Variants in SLC46A3 observed in about 807,000 individuals in gnomAD.
SLC46A3 encodes the protein solute carrier family 46 member 3, also known as lysosomal proton-coupled steroid conjugate and bile acid symporter SLC46A3.
Under a neutral mutation model 38.5 loss-of-function variants are expected in SLC46A3, and 26 were observed. The observed-to-expected ratio is 0.68, with a 90% confidence interval of 0.49 to 0.94. SLC46A3 has a LOEUF of 0.94. Ranked by LOEUF, SLC46A3 falls within the 40% of genes least tolerant of loss-of-function variation. The probability of loss-of-function intolerance (pLI) is 0.00; values close to 1 mark genes in which losing one functional copy is unlikely to be tolerated. For missense variants in SLC46A3, 510 were observed against 544.3 expected, an observed-to-expected ratio of 0.94 and a Z score of 0.63; for synonymous variants, 185 against 192.5, an observed-to-expected ratio of 0.96 and a Z score of 0.32.
rs1885394994 is a variant in SLC46A3 at position 28,712,886 on chromosome 13, T to G, written c.854A>C (p.Glu285Ala). Residue 285 changes from glutamate to alanine, a missense_variant, in exon 3 of 6, where the codon GAA (glutamate) becomes GCA (alanine). Transcript: ENST00000266943. ...IGIAPIFILYELDSPLCWNEV... is the reference protein window; with the variant it reads ...IGIAPIFILYALDSPLCWNEV... Reference sequence around the variant, plus strand: ...ATTCCAGCAGAGTGGTGAATCCAATTCATAAAGGATAAAAATTGGGGCAAT... The same window carrying G: ...ATTCCAGCAGAGTGGTGAATCCAATGCATAAAGGATAAAAATTGGGGCAAT... The G allele has an allele frequency of 1.9e-6, 3 of 1,610,746 alleles. No individual in the cohort carries two copies. Among genetic ancestry groups the G allele is most frequent in the African/African-American group, 1.3e-5 (1 of 74,484 alleles).
Position 28,713,411 on chromosome 13 carries a change from C to T in SLC46A3, c.329G>A (p.Gly110Asp), listed in dbSNP as rs1320057661. The T allele has an allele frequency of 6.2e-7, 1 of 1,613,892 alleles. No homozygotes were observed. Among genetic ancestry groups the T allele is most frequent in the African/African-American group, 1.3e-5 (1 of 74,904 alleles). ...GAGCCAAACGCTGGTTGCAAGAGCA[C>T]CAACGGAAGACAAAATCATAGGGAA... ...RKFPMILSSV[G>D]ALATSVWLCL... Residue 110 changes from glycine (G) to aspartate (D), a missense_variant, in exon 3 of 6, where the codon GGT becomes GAT. By Grantham distance (94) the Gly-to-Asp change is moderately conservative. Coordinates refer to ENST00000266943, the MANE Select transcript of SLC46A3 (RefSeq NM_181785.4).
At chr13:28,710,915 TTC>T (rs1885323841) in intron 3 of SLC46A3, 72 bp from the exon 4 acceptor site, 3 of 1,073,602 alleles carry the variant, frequency 2.8e-6, no homozygotes, top group African/African-American at 1.6e-5. Context: ...AGGAAACACT[TTC>T]ACTCTGTCTA....
rs1885405553 is a variant in SLC46A3 at position 28,713,018 on chromosome 13, A to C, written c.722T>G (p.Leu241Arg). 4 of 1,612,628 alleles carry C rather than the reference A, an allele frequency of 2.5e-6. No individual in the cohort carries two copies. In the African/African-American group the frequency reaches 5.3e-5, roughly 22 times the overall value. ...AAAAAGCATGTAAGTTCGGTAAAAT[A>C]GGTTTTTGAAGCCTTCACTACATGA... ...TMSCSEGFKN[L>R]FYRTYMLFKN... Residue 241 changes from leucine (L) to arginine (R), a missense_variant, in exon 3 of 6, where the codon CTA becomes CGA. By Grantham distance (102) the Leu-to-Arg change is moderately radical. Coordinates refer to ENST00000266943, the MANE Select transcript of SLC46A3 (RefSeq NM_181785.4).
At chr13:28,715,526 A>G (rs1885505059) in intron 2 of SLC46A3, among the ~76,000 whole-genome samples, 1 of 152,252 alleles carries the variant, frequency 6.6e-6, no homozygotes, top group Non-Finnish European at 1.5e-5. Flanking sequence ...CCTACAGGTC[A>G]GCCAAAAGAA....
intron 5 of SLC46A3, among the ~76,000 whole-genome samples, chr13:28,702,594 CATGT>C (rs914301312): frequency 1.3e-5 from 2 of 152,112 alleles, no homozygotes. Flanking sequence ...ACCAGCACAG[CATGT>C]ATTGGTAATT....
At chr13:28,707,906 G>A (rs189645665) in intron 4 of SLC46A3, among the ~76,000 whole-genome samples, 165 of 152,236 alleles carry the variant, frequency 1.1e-3, no homozygotes, top group African/African-American at 3.7e-3. Context: ...CACATTTCAC[G>A]TAAACAGAAT....
At position 28,713,040 on chromosome 13, in the gene SLC46A3, A is replaced by T. The variant is rs1302203762; in HGVS notation, c.700T>A (p.Cys234Ser). The T allele has an allele frequency of 5.0e-6, 8 of 1,612,068 alleles. No individual in the cohort carries two copies. Among genetic ancestry groups the T allele is most frequent in the Non-Finnish European group, 5.1e-6 (6 of 1,179,698 alleles). Residue 234 changes from cysteine to serine, a missense_variant, in exon 3 of 6, where the codon TGT becomes AGT. Coordinates refer to ENST00000266943, the MANE Select transcript of SLC46A3 (RefSeq NM_181785.4). The part of the protein sequence containing the change: ...ECSSQNVTMS[C>S]SEGFKNLFYR... The stretch of plus-strand genomic sequence containing the variant: ...AATAGGTTTTTGAAGCCTTCACTAC[A>T]TGACATAGTAACATTCTGAGATGAA...
chr13:28,713,145 A>T lies in SLC46A3; in HGVS notation c.595T>A (p.Ser199Thr), dbSNP rs746758079. The change falls in exon 3 of 6, where the codon TCG becomes ACG. Residue 199 changes from serine to threonine, a missense_variant. Transcript: ENST00000266943. The part of the protein sequence containing the change: ...YFIRELGFEW[S>T]FLIIAVSLAV... ...AGAGACACAGCAATAATTAGAAACGACCACTCAAAACCTAGCTCTCTAATA... is the reference window on the plus strand; with the variant it reads ...AGAGACACAGCAATAATTAGAAACGTCCACTCAAAACCTAGCTCTCTAATA... The T allele has an allele frequency of 6.2e-7, 1 of 1,614,076 alleles. No homozygotes were observed. The highest frequency in any genetic ancestry group is 2.2e-5 in the East Asian group (1 of 44,866).
At chr13:28,704,522 A>G (rs192034486) in intron 4 of SLC46A3, 167 of 155,098 alleles carry the variant, frequency 1.1e-3, no homozygotes, top group Non-Finnish European at 2.0e-3. Flanking sequence ...AAAGCACAGG[A>G]TGGCTCCTAA....
intron 5 of SLC46A3, among the ~76,000 whole-genome samples, chr13:28,703,267 TAGTC>T (rs1387139845): frequency 2.0e-5 from 3 of 152,286 alleles, no homozygotes; most frequent in African/African-American, 7.2e-5. Flanking sequence ...GAGAACTCAA[TAGTC>T]AGCACATCCT....
intron 5 of SLC46A3, among the ~76,000 whole-genome samples, chr13:28,703,379 T>A (rs1403513497): frequency 6.6e-6 from 1 of 152,190 alleles, no homozygotes; most frequent in East Asian, 1.9e-4. Context: ...GAAATCATAG[T>A]TTAAAGGTAT....
At chr13:28,712,504 A>T (rs1252552545) in intron 3 of SLC46A3, among the ~76,000 whole-genome samples, 176 bp downstream of exon 3, 1 of 152,212 alleles carries the variant, frequency 6.6e-6, no homozygotes, top group Non-Finnish European at 1.5e-5. Context: ...TTAAATTTTT[A>T]AAGTGAATTC....
intron 4 of SLC46A3, among the ~76,000 whole-genome samples, chr13:28,708,576 G>C (rs1370097878): frequency 6.7e-6 from 1 of 150,138 alleles, no homozygotes; most frequent in Non-Finnish European, 1.5e-5. Context: ...CATTCTGTGG[G>C]TTGTCGGTTG....
intron 5 of SLC46A3, among the ~76,000 whole-genome samples, chr13:28,702,068 C>G (rs540333937): frequency 4.1e-4 from 62 of 152,238 alleles, no homozygotes; most frequent in African/African-American, 1.4e-3. Context: ...CATGTGAAGA[C>G]TAAAATTAGA....
chr13:28,717,826 A>T lies in SLC46A3; in HGVS notation c.173T>A (p.Ile58Asn). ...ATTTCTTACCTCCTGGAATGCAAAAATTGGGCTGCTTTTGTTTTTTTCACA... is the reference window on the plus strand; with the variant it reads ...ATTTCTTACCTCCTGGAATGCAAAATTTGGGCTGCTTTTGTTTTTTTCACA... ...SECEKNKSSP[I>N]FAFQEEVQKK... The change falls in exon 2 of 6, where the codon ATT becomes AAT. Residue 58 changes from isoleucine to asparagine, a missense_variant. Physicochemically the swap from Ile to Asn is moderately radical, Grantham distance 149. Coordinates refer to ENST00000266943, the MANE Select transcript of SLC46A3 (RefSeq NM_181785.4). The T allele has an allele frequency of 6.2e-7, 1 of 1,613,156 alleles. No individual in the cohort carries two copies. The highest frequency in any genetic ancestry group is 8.5e-7 in the Non-Finnish European group (1 of 1,179,826).
intron 5 of SLC46A3, among the ~76,000 whole-genome samples, chr13:28,703,018 G>A (rs1885072508): frequency 6.6e-6 from 1 of 152,048 alleles, no homozygotes; most frequent in African/African-American, 2.4e-5. Flanking sequence ...AAATTTGCTT[G>A]GACGTTTCAG....
chr13:28,707,906 G>C, intron 4 of SLC46A3, among the ~76,000 whole-genome samples: 1 of 152,236 alleles, frequency 6.6e-6, no homozygotes, highest in East Asian at 1.9e-4. Context: ...CACATTTCAC[G>C]TAAACAGAAT....
rs544594248 is a variant in SLC46A3 at position 28,703,666 on chromosome 13, G to A, written c.1301+277C>T. 218 of 177,774 alleles carry A rather than the reference G, an allele frequency of 1.2e-3. 3 individuals carry two copies. The highest frequency in any genetic ancestry group is 4.8e-3 in the African/African-American group (205 of 42,390). The allele number at this position is 177,774 out of a possible 1,614,324, so 11.0% of individuals were successfully genotyped here. A position where few individuals can be genotyped will look rare whatever the true frequency, so the allele number is the denominator to read the frequency against. On this transcript the variant is annotated intron_variant, in intron 5 of 5. Transcript: ENST00000266943. Reference sequence around the variant, plus strand: ...ACTTCAGACATACACCACCATGACCGGTTCTCTTTTTTTTAATTAAAAAAA... The same window carrying A: ...ACTTCAGACATACACCACCATGACCAGTTCTCTTTTTTTTAATTAAAAAAA...
intron 2 of SLC46A3, among the ~76,000 whole-genome samples, chr13:28,716,191 A>G (rs568679983): frequency 2.0e-5 from 3 of 152,214 alleles, no homozygotes; most frequent in Admixed American, 2.0e-4. Context: ...AATAAACAAA[A>G]TAAAATAAAA....
Sources: gnomAD v4.1 joint callset for allele counts (sites outside exome capture counted in the v4.1 genomes callset) on GRCh38, gnomAD v4.1.1 for gene constraint, MANE v1.5 for transcripts, NCBI Gene and HGNC (gene_info 2026-07-23, HGNC 2026-07-21) for gene names.